Variants in CUX2 observed in about 807,000 individuals in gnomAD.
CUX2 encodes the protein homeobox protein cut-like 2.
Under a neutral mutation model 144.8 loss-of-function variants are expected in CUX2, and 40 were observed. The observed-to-expected ratio is 0.28, with a 90% CI of 0.21 to 0.36. The LOEUF (loss-of-function observed/expected upper bound fraction) is 0.36, where lower values mean the gene tolerates loss of function less well. CUX2 is among the 10% of genes least tolerant of loss of function. The pLI is 1.00. For missense variants in CUX2, 1,615 were observed against 1,994.0 expected (o/e 0.81, Z 3.62); for synonymous variants, 827 against 875.6 (o/e 0.94, Z 0.98).
intron 4 of CUX2, among the ~76,000 whole-genome samples, chr12:111,283,969 C>G (rs1251215776): frequency 6.6e-6 from 1 of 152,114 alleles, no homozygotes; most frequent in Non-Finnish European, 1.5e-5. Flanking sequence ...TGCTGCAGTC[C>G]GAGGCTCATC....
At chr12:111,055,970 G>C (rs890192226) in intron 1 of CUX2, among the ~76,000 whole-genome samples, 1 of 152,224 alleles carries the variant, frequency 6.6e-6, no homozygotes, top group African/African-American at 2.4e-5. Context: ...GTGGCTCTCA[G>C]TGTTATCTTC....
At chr12:111,122,855 C>A (rs1874775772) in intron 1 of CUX2, among the ~76,000 whole-genome samples, 1 of 152,214 alleles carries the variant, frequency 6.6e-6, no homozygotes. Context: ...ACCCACCCCG[C>A]CCTGTCACAG....
chr12:111,222,568 A>G (rs1409719395), intron 3 of CUX2, among the ~76,000 whole-genome samples: 2 of 152,188 alleles, frequency 1.3e-5, no homozygotes, highest in African/African-American at 4.8e-5. Context: ...CTGGCCTCTG[A>G]CACCCAGGAG....
At chr12:111,200,685 T>A (rs1169839264) in intron 1 of CUX2, among the ~76,000 whole-genome samples, 3 of 152,132 alleles carry the variant, frequency 2.0e-5, no homozygotes, top group Admixed American at 2.0e-4. Context: ...AGAATAGCCA[T>A]GATGTACGTA....
intron 1 of CUX2, among the ~76,000 whole-genome samples, chr12:111,173,173 G>A (rs574985424): frequency 6.6e-6 from 1 of 152,328 alleles, no homozygotes; most frequent in East Asian, 1.9e-4. Context: ...CCCTGAGCTG[G>A]GCATCTACTG....
intron 1 of CUX2, among the ~76,000 whole-genome samples, chr12:111,189,392 A>G (rs572332140): frequency 6.6e-6 from 1 of 152,376 alleles, no homozygotes; most frequent in Admixed American, 6.5e-5. Flanking sequence ...CCTCCGAACT[A>G]CACAGGCTTG....
chr12:111,091,123 C>T (rs1241597279), intron 1 of CUX2, among the ~76,000 whole-genome samples: 1 of 152,206 alleles, frequency 6.6e-6, no homozygotes, highest in Non-Finnish European at 1.5e-5. Context: ...CATCCGTGTG[C>T]ACATCCATGT....
intron 1 of CUX2, among the ~76,000 whole-genome samples, chr12:111,125,707 C>T (rs775304326): frequency 1.3e-5 from 2 of 152,000 alleles, no homozygotes; most frequent in African/African-American, 2.4e-5. Flanking sequence ...CTGCAGATTC[C>T]GCATGGATAG....
intron 4 of CUX2, among the ~76,000 whole-genome samples, chr12:111,283,300 T>C (rs1232002364): frequency 1.3e-5 from 2 of 151,518 alleles, no homozygotes; most frequent in Non-Finnish European, 2.9e-5. Flanking sequence ...GCAGACAGGG[T>C]CACAGTTCAG....
At chr12:111,283,142 C>T (rs1287122707) in intron 4 of CUX2, among the ~76,000 whole-genome samples, 2 of 151,962 alleles carry the variant, frequency 1.3e-5, no homozygotes, top group African/African-American at 4.8e-5. Context: ...CACTTGAACC[C>T]AGGAGGCAGA....
chr12:111,331,025 A>C (rs576561799), intron 18 of CUX2, among the ~76,000 whole-genome samples: 2 of 151,858 alleles, frequency 1.3e-5, no homozygotes, highest in Admixed American at 6.6e-5. Context: ...GGATGGCAAG[A>C]CCAGCCTGAG....
At position 111,347,863 on chromosome 12, in the gene CUX2, C is replaced by T. The variant is rs267603307; in HGVS notation, c.3999C>T (p.Pro1333=). 2.5e-5 allele frequency: 40 copies of T among 1,613,980 alleles called. No individual in the cohort carries two copies. The highest frequency in any genetic ancestry group is 2.5e-4 in the East Asian group (11 of 44,882). Residue 1333 remains proline, a synonymous_variant, in exon 22 of 22, where the codon CCC becomes CCT. Coordinates refer to ENST00000261726, the MANE Select transcript of CUX2 (RefSeq NM_015267.4). ...AAGGTCCCCCCAAAGAGGAGCATCC[C>T]GACCCTCCGGGTAATGATGGACTCC... ...KGQGPPKEEH[P]DPPGNDGLPK... is the part of the protein sequence containing the mutation.
At chr12:111,056,211 T>C (rs1870517465) in intron 1 of CUX2, among the ~76,000 whole-genome samples, 1 of 152,180 alleles carries the variant, frequency 6.6e-6, no homozygotes, top group African/African-American at 2.4e-5. Flanking sequence ...GTTCTTAACA[T>C]GTGTGACTGC....
chr12:111,111,851 TAA>T (rs10558854), intron 1 of CUX2, among the ~76,000 whole-genome samples: 4,141 of 148,948 alleles, frequency 0.028, 198 homozygotes, highest in African/African-American at 0.096. Context: ...AATTTGCCTT[TAA>T]AAAAAAAAGA....
At chr12:111,269,725 C>G (rs1276293044) in intron 4 of CUX2, among the ~76,000 whole-genome samples, 2 of 152,152 alleles carry the variant, frequency 1.3e-5, no homozygotes, top group Non-Finnish European at 2.9e-5. Flanking sequence ...AAAACAGTCA[C>G]AGGCCAGGGG....
In CUX2 at chr12:111,035,621, T is replaced by TTC. The variant is rs1869402614; in HGVS notation, c.63+1382_63+1383insCT. On this transcript the variant is annotated intron_variant, in intron 1 of 21. Coordinates refer to ENST00000261726, the MANE Select transcript of CUX2 (RefSeq NM_015267.4). This position sits in a 1 kb window ranked among gnomAD's most constrained non-coding sequence, Gnocchi z 6.0. The stretch of plus-strand genomic sequence containing the variant: ...AGATAAAAAGGGACCCACTTTTTTT[T>TTC]TTTTTTTTAATCCGCCGGCAAATCT... 6.6e-6 allele frequency among the ~76,000 whole-genome samples: 1 copy of TTC among 150,810 alleles called. No individual in the cohort carries two copies. Among genetic ancestry groups the TTC allele is most frequent in the Non-Finnish European group, 1.5e-5 (1 of 67,622 alleles).
In CUX2 at chr12:111,322,170, T is replaced by C. The variant is rs1887568288; in HGVS notation, c.2767-251T>C. ...CCATCTCTACTAAAAATACAAAAAT[T>C]AGCCAGACGTGCACCAGCCTGGTAC... On this transcript the variant is annotated intron_variant, in intron 17 of 21. Transcript: ENST00000261726. This position sits in a 1 kb window ranked among gnomAD's most constrained non-coding sequence, Gnocchi z 4.2. Among the ~76,000 whole-genome samples the C allele has an allele frequency of 6.6e-6, 1 of 151,620 alleles. No individual in the cohort carries two copies. Among genetic ancestry groups the C allele is most frequent in the African/African-American group, 2.4e-5 (1 of 41,262 alleles).
At position 111,044,352 on chromosome 12, in the gene CUX2, G is replaced by A. The variant is rs149317471; in HGVS notation, c.63+10112G>A. Among the ~76,000 whole-genome samples the A allele has an allele frequency of 2.6e-3, 400 of 152,048 alleles. 2 individuals carry two copies. Among genetic ancestry groups the A allele is most frequent in the Non-Finnish European group, 4.7e-3 (317 of 67,942 alleles). On this transcript the variant is annotated intron_variant, in intron 1 of 21. Coordinates refer to ENST00000261726, the MANE Select transcript of CUX2 (RefSeq NM_015267.4). ...TGTCCTTACTTGCCCTCAGGTTTTA[G>A]GATCCCCTCATCCTATCCCCCTCCC...
intron 6 of CUX2, among the ~76,000 whole-genome samples, chr12:111,294,201 G>A (rs1414253459): frequency 2.6e-5 from 4 of 152,150 alleles, no homozygotes; most frequent in South Asian, 2.1e-4. Context: ...TCCACGTTCC[G>A]GGTTTAAGCA....
Sources: gnomAD v4.1 joint callset for allele counts (sites outside exome capture counted in the v4.1 genomes callset) on GRCh38, gnomAD v4.1.1 for gene constraint, Gnocchi (gnomAD v3.1) non-coding constraint, MANE v1.5 for transcripts, NCBI Gene and HGNC (gene_info 2026-07-23, HGNC 2026-07-21) for gene names.